The following WWOX variants were observed in gnomAD, a reference collection of about 807,000 sequenced individuals.
WWOX encodes the protein WW domain containing oxidoreductase.
In WWOX, 69 loss-of-function variants were observed where a neutral mutation model predicts 46.2. The observed-to-expected ratio is 1.49, with a 90% confidence interval of 1.23 to 1.82. WWOX has a LOEUF of 1.82. Ranked by LOEUF, WWOX falls within the 40% of genes most tolerant of loss-of-function variation. The pLI is 0.00. For synonymous variants in WWOX, 359 were observed against 202.6 expected (o/e 1.77, Z -6.56); for missense variants, 919 against 542.6 (o/e 1.69, Z -6.89).
intron 8 of WWOX, among the ~76,000 whole-genome samples, chr16:78,726,385 G>C (rs566300547): frequency 4.0e-5 from 6 of 151,732 alleles, no homozygotes; most frequent in African/African-American, 1.5e-4. Context: ...ACCACCACAC[G>C]TGGCGTATTT....
At chr16:78,690,812 T>C (rs2047968662) in intron 8 of WWOX, among the ~76,000 whole-genome samples, 1 of 152,134 alleles carries the variant, frequency 6.6e-6, no homozygotes, top group South Asian at 2.1e-4. Flanking sequence ...ATGAATGGCA[T>C]ATGCGTATGT....
At chr16:79,093,329 C>G (rs1259638079) in intron 8 of WWOX, among the ~76,000 whole-genome samples, 2 of 152,118 alleles carry the variant, frequency 1.3e-5, no homozygotes, top group African/African-American at 4.8e-5. Context: ...GGGGATGAGA[C>G]TCTAAATTTG....
chr16:78,802,943 C>CAAAAAAAAAAAAA (rs1044478788), intron 8 of WWOX, among the ~76,000 whole-genome samples: 1 of 40,842 alleles, frequency 2.4e-5, no homozygotes. Context: ...AAAAAAAAAA[C>CAAAAAAAAAAAAA]AACAAACAGA....
intron 6 of WWOX, among the ~76,000 whole-genome samples, chr16:78,390,505 A>C: frequency 6.6e-6 from 1 of 152,218 alleles, no homozygotes; most frequent in East Asian, 1.9e-4. Context: ...TCTGTAGCAC[A>C]ACCCTCTTTG....
intron 5 of WWOX, chr16:78,166,855 C>G (rs1044062135): frequency 1.3e-5 from 2 of 152,388 alleles, no homozygotes; most frequent in Non-Finnish European, 2.9e-5. Context: ...CCGTGCCCGA[C>G]CTCCCGAGTC....
intron 8 of WWOX, among the ~76,000 whole-genome samples, chr16:78,605,750 C>T (rs552786763): frequency 1.3e-5 from 2 of 152,272 alleles, no homozygotes; most frequent in South Asian, 4.1e-4. Context: ...CTTTGCCCTT[C>T]ATGGAAAGGA....
At chr16:78,605,845 G>A (rs992319026) in intron 8 of WWOX, among the ~76,000 whole-genome samples, 1 of 152,132 alleles carries the variant, frequency 6.6e-6, no homozygotes, top group Admixed American at 6.5e-5. Context: ...GTGTGTGTGT[G>A]TTGTTCTTTT....
At chr16:79,171,493 C>G (rs950264051) in intron 8 of WWOX, among the ~76,000 whole-genome samples, 2 of 152,220 alleles carry the variant, frequency 1.3e-5, no homozygotes, top group East Asian at 3.9e-4. Flanking sequence ...GTTTGCTACC[C>G]AGAATTTAAA....
intron 8 of WWOX, among the ~76,000 whole-genome samples, chr16:78,457,933 C>T (rs1167303876): frequency 3.7e-5 from 4 of 107,504 alleles, no homozygotes; most frequent in Admixed American, 8.4e-5. Context: ...AAAAAATTAG[C>T]TGGGCGTAGT....
At chr16:78,563,174 A>G (rs767703890) in intron 8 of WWOX, among the ~76,000 whole-genome samples, 1 of 152,218 alleles carries the variant, frequency 6.6e-6, no homozygotes, top group Non-Finnish European at 1.5e-5. Flanking sequence ...TGCAATCAAG[A>G]TGATTACATG....
intron 8 of WWOX, among the ~76,000 whole-genome samples, chr16:78,738,243 A>G (rs1253912804): frequency 6.6e-6 from 1 of 152,214 alleles, no homozygotes; most frequent in African/African-American, 2.4e-5. Flanking sequence ...GCTGGAGTTG[A>G]GTAGATAATT....
At chr16:78,987,907 C>G (rs902848700) in intron 8 of WWOX, among the ~76,000 whole-genome samples, 1 of 152,128 alleles carries the variant, frequency 6.6e-6, no homozygotes, top group Non-Finnish European at 1.5e-5. Context: ...AACCACAGGT[C>G]TCGTCATGTC....
intron 8 of WWOX, among the ~76,000 whole-genome samples, chr16:79,184,918 T>C (rs1289099471): frequency 1.3e-5 from 2 of 152,228 alleles, no homozygotes; most frequent in African/African-American, 4.8e-5. Context: ...GGATAATCAT[T>C]GGCTGTAGGG....
intron 5 of WWOX, among the ~76,000 whole-genome samples, chr16:78,186,432 C>T (rs548335590): frequency 6.6e-6 from 1 of 152,276 alleles, no homozygotes; most frequent in African/African-American, 2.4e-5. Flanking sequence ...TATCCTTTGA[C>T]TTGTTGGAAT....
At chr16:79,053,405 GT>G (rs762433731) in intron 8 of WWOX, among the ~76,000 whole-genome samples, 1 of 152,134 alleles carries the variant, frequency 6.6e-6, no homozygotes, top group Non-Finnish European at 1.5e-5. Flanking sequence ...TGAATTTTAA[GT>G]ACCTAAAGTT....
At chr16:79,141,709 G>C (rs2050092559) in intron 8 of WWOX, among the ~76,000 whole-genome samples, 1 of 151,592 alleles carries the variant, frequency 6.6e-6, no homozygotes, top group Non-Finnish European at 1.5e-5. Flanking sequence ...AGTGCTTCTT[G>C]GTGTTGTGAT....
intron 8 of WWOX, among the ~76,000 whole-genome samples, chr16:78,903,373 C>G (rs538199631): frequency 6.6e-5 from 10 of 152,246 alleles, no homozygotes; most frequent in African/African-American, 2.4e-4. Flanking sequence ...CTCTTTTATG[C>G]AAACGAAGAC....
At chr16:78,196,607 TG>T (rs1490153067) in intron 5 of WWOX, among the ~76,000 whole-genome samples, 1 of 152,212 alleles carries the variant, frequency 6.6e-6, no homozygotes, top group Non-Finnish European at 1.5e-5. Context: ...AAGATTGTGT[TG>T]GGGAGGTTGT....
At chr16:78,658,436 G>A (rs2047130574) in intron 8 of WWOX, among the ~76,000 whole-genome samples, 2 of 152,198 alleles carry the variant, frequency 1.3e-5, no homozygotes, top group African/African-American at 4.8e-5. Context: ...GGGCTTCCTT[G>A]AAAACGTGCC....
Sources: gnomAD v4.1 joint callset for allele counts (sites outside exome capture counted in the v4.1 genomes callset) on GRCh38, gnomAD v4.1.1 for gene constraint, MANE v1.5 for transcripts, NCBI Gene and HGNC (gene_info 2026-07-23, HGNC 2026-07-21) for gene names.